DCPH1: variants seen among roughly 807,000 people sequenced by gnomAD.
The protein encoded by DCPH1 is damage control phosphatase 1, also known as damage-control phosphatase 1.
At chr6:151,460,998 C>T in the DCPH1 span, among the ~76,000 whole-genome samples, 35 of 152,272 alleles carry the variant, frequency 2.3e-4, 1 homozygote, top group South Asian at 6.6e-3. Context: ...CCCAAGGTGA[C>T]ATGGCTAGTA....
At chr6:151,464,483 A>G in the DCPH1 span, 213 of 1,609,176 alleles carry the variant, frequency 1.3e-4, no homozygotes, top group South Asian at 2.3e-3. Flanking sequence ...ATGTATTTAA[A>G]GAATCAAAAG....
At chr6:151,465,643 T>C in the DCPH1 span, among the ~76,000 whole-genome samples, 1 of 152,142 alleles carries the variant, frequency 6.6e-6, no homozygotes, top group Non-Finnish European at 1.5e-5. Context: ...GAGGTAATGC[T>C]ATTTGACTAT....
At chr6:151,466,294 A>T in the DCPH1 span, among the ~76,000 whole-genome samples, 28 of 117,610 alleles carry the variant, frequency 2.4e-4, no homozygotes, top group African/African-American at 6.7e-4. Context: ...CCTTGGAATT[A>T]AAAAAAAAAA....
chr6:151,463,899 T>C, the DCPH1 span, among the ~76,000 whole-genome samples: 1 of 152,234 alleles, frequency 6.6e-6, no homozygotes, highest in African/African-American at 2.4e-5. Context: ...CACCTTTGGT[T>C]AAAGTTGCCC....
At chr6:151,453,913 ATC>A in the DCPH1 span, among the ~76,000 whole-genome samples, 1 of 152,120 alleles carries the variant, frequency 6.6e-6, no homozygotes, top group Non-Finnish European at 1.5e-5. Flanking sequence ...CTTCTATAAA[ATC>A]TCTGATTTTT....
At chr6:151,467,666 G>T in the DCPH1 span, among the ~76,000 whole-genome samples, 2 of 151,982 alleles carry the variant, frequency 1.3e-5, no homozygotes, top group African/African-American at 4.8e-5. Context: ...AACCCAGGTC[G>T]AGCTGGAAGT....
the DCPH1 span, chr6:151,468,974 T>C: frequency 1.2e-6 from 2 of 1,614,216 alleles, no homozygotes; most frequent in South Asian, 1.1e-5. Context: ...CCTGCACCAC[T>C]CTGTACCATA....
chr6:151,452,486 C>G, the DCPH1 span: 1 of 1,587,800 alleles, frequency 6.3e-7, no homozygotes, highest in Non-Finnish European at 8.6e-7. Flanking sequence ...CGCGGCGGTA[C>G]CGCCTCTGTT....
At chr6:151,460,842 G>C in the DCPH1 span, among the ~76,000 whole-genome samples, 12 of 152,152 alleles carry the variant, frequency 7.9e-5, no homozygotes, top group East Asian at 2.1e-3. Context: ...CATGGAGAAG[G>C]CACCCCAGCA....
chr6:151,469,094 A>G, the DCPH1 span: 1 of 1,610,656 alleles, frequency 6.2e-7, no homozygotes. Flanking sequence ...ATATTTCAGT[A>G]CGATGGTCCC....
the DCPH1 span, among the ~76,000 whole-genome samples, chr6:151,459,848 T>C: frequency 2.0e-5 from 3 of 152,292 alleles, no homozygotes; most frequent in East Asian, 5.8e-4. Context: ...ATGGGGATGA[T>C]TGGATTATCC....
At chr6:151,468,584 A>G in the DCPH1 span, 1 of 1,614,126 alleles carries the variant, frequency 6.2e-7, no homozygotes, top group Non-Finnish European at 8.5e-7. Flanking sequence ...ATATTAGCCG[A>G]CTTCTTGTTG....
chr6:151,468,903 G>C, the DCPH1 span: 1 of 1,614,008 alleles, frequency 6.2e-7, no homozygotes, highest in Non-Finnish European at 8.5e-7. Context: ...ACAGGAAGTT[G>C]ACAGGTGACA....
the DCPH1 span, chr6:151,452,486 C>A: frequency 1.5e-5 from 24 of 1,587,680 alleles, no homozygotes; most frequent in Admixed American, 1.0e-4. Flanking sequence ...CGCGGCGGTA[C>A]CGCCTCTGTT....
At chr6:151,468,616 G>T in the DCPH1 span, 1 of 1,614,120 alleles carries the variant, frequency 6.2e-7, no homozygotes, top group Non-Finnish European at 8.5e-7. Flanking sequence ...GGCTACTGAG[G>T]TTCATTTTTA....
At chr6:151,466,824 G>T in the DCPH1 span, among the ~76,000 whole-genome samples, 1 of 152,194 alleles carries the variant, frequency 6.6e-6, no homozygotes, top group Non-Finnish European at 1.5e-5. Flanking sequence ...CCTGCTCTCA[G>T]TCGCTGAAGG....
At chr6:151,458,828 A>T in the DCPH1 span, among the ~76,000 whole-genome samples, 1 of 152,204 alleles carries the variant, frequency 6.6e-6, no homozygotes. Flanking sequence ...TAGAATAGAC[A>T]TAAGAGTAAA....
the DCPH1 span, chr6:151,469,138 G>A: frequency 6.4e-7 from 1 of 1,559,758 alleles, no homozygotes. Context: ...CAGTTGCATA[G>A]AAAGATCTGG....
chr6:151,469,169 GA>G, the DCPH1 span: 2 of 1,440,556 alleles, frequency 1.4e-6, no homozygotes, highest in South Asian at 1.4e-5. Context: ...TTCATCCCCA[GA>G]AAAGGAGCAC....
Sources: gnomAD v4.1 joint callset for allele counts (sites outside exome capture counted in the v4.1 genomes callset) on GRCh38, gnomAD v4.1.1 for gene constraint, MANE v1.5 for transcripts, NCBI Gene and HGNC (gene_info 2026-07-23, HGNC 2026-07-21) for gene names.